SPRR2G: variants seen among roughly 807,000 people sequenced by gnomAD.
SPRR2G encodes small proline-rich protein 2G.
Under a neutral mutation model 0.7 loss-of-function variants are expected in SPRR2G, and 1 was observed. The ratio of observed to expected loss-of-function variants is 1.49; its 90% CI spans 0.53 to 7.06. The LOEUF (loss-of-function observed/expected upper bound fraction) is 7.06, where lower values mean the gene tolerates loss of function less well. Ranked by LOEUF, SPRR2G falls within the 30% of genes most tolerant of loss-of-function variation. The pLI, the probability that SPRR2G is intolerant of heterozygous loss-of-function variation, is 0.14. For missense variants in SPRR2G, 96 were observed against 88.5 expected (o/e 1.09, Z -0.34); for synonymous variants, 38 against 33.9 (o/e 1.12, Z -0.42).
the SPRR2G span, among the ~76,000 whole-genome samples, chr1:153,168,372 T>A: frequency 1.1e-3 from 161 of 152,328 alleles, no homozygotes; most frequent in African/African-American, 3.2e-3. Context: ...GGAGCTCAAC[T>A]CAGCACAGAG....
At chr1:153,167,000 C>T in the SPRR2G span, among the ~76,000 whole-genome samples, 21 of 152,068 alleles carry the variant, frequency 1.4e-4, no homozygotes, top group Admixed American at 2.6e-4. Flanking sequence ...GAAGAGGGGC[C>T]GAGATCCAGA....
the SPRR2G span, among the ~76,000 whole-genome samples, chr1:153,159,694 G>A: frequency 5.9e-5 from 9 of 152,282 alleles, no homozygotes; most frequent in African/African-American, 1.9e-4. Flanking sequence ...GCATGGCTAG[G>A]GAGGCCTCAG....
the SPRR2G span, among the ~76,000 whole-genome samples, chr1:153,188,394 A>G: frequency 1.3e-5 from 2 of 152,152 alleles, no homozygotes; most frequent in East Asian, 1.9e-4. Context: ...TCTTTCAGAG[A>G]TGCCCCACCC....
At chr1:153,167,246 A>G in the SPRR2G span, among the ~76,000 whole-genome samples, 801 of 152,324 alleles carry the variant, frequency 5.3e-3, 11 homozygotes, top group Middle Eastern at 0.02. Context: ...AGGCCAAGGC[A>G]GGCGGATCAC....
the SPRR2G span, among the ~76,000 whole-genome samples, chr1:153,197,425 T>A: frequency 6.6e-5 from 10 of 152,218 alleles, no homozygotes; most frequent in East Asian, 9.7e-4. Flanking sequence ...GAGAAACAGA[T>A]CTCCATCTCC....
the SPRR2G span, among the ~76,000 whole-genome samples, chr1:153,156,060 T>G: frequency 3.3e-5 from 5 of 152,168 alleles, no homozygotes; most frequent in Non-Finnish European, 7.4e-5. Context: ...ATCCAATACC[T>G]GAAACAGAGT....
chr1:153,183,747 G>A, the SPRR2G span, among the ~76,000 whole-genome samples: 1 of 152,078 alleles, frequency 6.6e-6, no homozygotes, highest in Non-Finnish European at 1.5e-5. Flanking sequence ...GCCAATTTTG[G>A]CTTTTGTTGC....
At chr1:153,177,588 G>A in the SPRR2G span, among the ~76,000 whole-genome samples, 4 of 152,054 alleles carry the variant, frequency 2.6e-5, no homozygotes, top group Non-Finnish European at 5.9e-5. Flanking sequence ...GCATTTCCCT[G>A]ACTGATAATA....
chr1:153,165,168 G>GGATGGATA, the SPRR2G span, among the ~76,000 whole-genome samples: 5 of 150,928 alleles, frequency 3.3e-5, no homozygotes, highest in Non-Finnish European at 7.4e-5. Context: ...ATGGATGGAT[G>GGATGGATA]GATGGATGGA....
chr1:153,194,831 T>C, the SPRR2G span, among the ~76,000 whole-genome samples: 3,078 of 152,250 alleles, frequency 0.02, 52 homozygotes, highest in Non-Finnish European at 0.032. Context: ...CTGAGTGCTG[T>C]GCTCCAATGG....
the SPRR2G span, among the ~76,000 whole-genome samples, chr1:153,172,236 A>C: frequency 6.6e-6 from 1 of 152,178 alleles, no homozygotes; most frequent in Non-Finnish European, 1.5e-5. Context: ...TGCTCAGAAG[A>C]CCAGGTCTAC....
chr1:153,166,345 G>T, the SPRR2G span, among the ~76,000 whole-genome samples: 1,122 of 152,264 alleles, frequency 7.4e-3, 12 homozygotes, highest in African/African-American at 0.024. Context: ...GGATGAAGAA[G>T]ATTTGAGTGT....
the SPRR2G span, among the ~76,000 whole-genome samples, chr1:153,200,776 T>C: frequency 1.3e-5 from 2 of 151,592 alleles, no homozygotes; most frequent in Non-Finnish European, 2.9e-5. Flanking sequence ...CTCTGCTCAC[T>C]GCAACCTTTG....
At chr1:153,161,992 G>A in the SPRR2G span, among the ~76,000 whole-genome samples, 9 of 152,150 alleles carry the variant, frequency 5.9e-5, no homozygotes, top group Non-Finnish European at 1.2e-4. Flanking sequence ...GGTGGTGGTG[G>A]TTGTTGTTGT....
the SPRR2G span, among the ~76,000 whole-genome samples, chr1:153,162,367 C>T: frequency 3.3e-5 from 5 of 152,188 alleles, no homozygotes; most frequent in South Asian, 8.3e-4. Context: ...CATAATATTC[C>T]ATGGTGAATA....
At position 153,150,096 on chromosome 1, in the gene SPRR2G, C is replaced by A. The variant is rs140899150; in HGVS notation, c.15G>T (p.Gln5His). Residue 5 changes from glutamine (Q) to histidine (H), a missense_variant, in exon 2 of 2, where the codon CAG becomes CAT. By Grantham distance (24) the Gln-to-His change is conservative. Coordinates refer to ENST00000368748, the MANE Select transcript of SPRR2G (RefSeq NM_001014291.4). ...GCTGGCAGGGCTGCTTGCACTGCTG[C>A]TGCTGGTAAGACATCTCTCCTCAGT... MSYQ[Q>H]QQCKQPCQPP... is the part of the protein sequence containing the mutation. 34 of 1,612,298 alleles carry A rather than the reference C, an allele frequency of 2.1e-5. No individual in the cohort carries two copies. In the African/African-American group the frequency reaches 4.5e-4, roughly 22 times the overall value.
At chr1:153,188,986 T>C in the SPRR2G span, among the ~76,000 whole-genome samples, 2 of 152,166 alleles carry the variant, frequency 1.3e-5, no homozygotes, top group Admixed American at 6.5e-5. Flanking sequence ...CTGCACCCAA[T>C]GTCTAACCAG....
the SPRR2G span, among the ~76,000 whole-genome samples, chr1:153,186,920 C>T: frequency 3.9e-3 from 601 of 152,208 alleles, 9 homozygotes; most frequent in African/African-American, 0.013. Flanking sequence ...TCAGCATTTG[C>T]TTGTCTGTAA....
chr1:153,179,906 T>C, the SPRR2G span, among the ~76,000 whole-genome samples: 1 of 152,152 alleles, frequency 6.6e-6, no homozygotes, highest in Middle Eastern at 3.2e-3. Flanking sequence ...ATGTCCTCCC[T>C]AATTGAAATG....
Sources: gnomAD v4.1 joint callset for allele counts (sites outside exome capture counted in the v4.1 genomes callset) on GRCh38, gnomAD v4.1.1 for gene constraint, MANE v1.5 for transcripts, NCBI Gene and HGNC (gene_info 2026-07-23, HGNC 2026-07-21) for gene names.